The following ERG variants were observed in gnomAD, a reference collection of about 807,000 sequenced individuals.
The protein encoded by ERG is transcriptional regulator ERG.
Under a neutral mutation model 55.3 loss-of-function variants are expected in ERG, and 9 were observed. The ratio of observed to expected loss-of-function variants is 0.16; its 90% confidence interval spans 0.10 to 0.28. The LOEUF (loss-of-function observed/expected upper bound fraction) is 0.28, where lower values mean the gene tolerates loss of function less well. ERG is among the 10% of genes least tolerant of loss of function. The pLI, the probability that ERG is intolerant of heterozygous loss-of-function variation, is 1.00. For missense variants in ERG, 434 were observed against 631.6 expected (o/e 0.69, Z 3.35); for synonymous variants, 223 against 237.3 (o/e 0.94, Z 0.55).
Position 38,653,593 on chromosome 21 carries a change from G to A in ERG, c.-150+8065C>T, listed in dbSNP as rs536521042. Among the ~76,000 whole-genome samples the A allele has an allele frequency of 3.9e-5, 6 of 152,316 alleles. No homozygotes were observed. The East Asian group carries it at 1.2e-3, about 29-fold the overall frequency. On this transcript the variant is annotated intron_variant, in intron 1 of 10. Transcript: ENST00000398910. The stretch of plus-strand genomic sequence containing the variant: ...TTAAAGTAAAAAGGGTGGTAGTTTT[G>A]TTTACCTGTTAACACAACTCATGGA...
chr21:38,586,462 C>T (rs1472809401), upstream of ERG, among the ~76,000 whole-genome samples: 1 of 151,998 alleles, frequency 6.6e-6, no homozygotes, highest in East Asian at 1.9e-4. Flanking sequence ...CCAACATCTC[C>T]CCAGTTCCCC....
In ERG at chr21:38,382,761, C is replaced by G. The variant is rs1987507733; in HGVS notation, c.*642G>C. The G allele has an allele frequency of 1.9e-6, 2 of 1,066,094 alleles. No individual in the cohort carries two copies. Among genetic ancestry groups the G allele is most frequent in the South Asian group, 9.1e-5 (2 of 21,990 alleles). The allele number at this position is 1,066,094 out of a possible 1,614,324, so 66.0% of individuals were successfully genotyped here. Reference sequence around the variant, plus strand: ...ACATCCTCAGTCCCACCTTTTAGTTCATAGTCCCGGTAATACTGTAAAGGA... The same window carrying G: ...ACATCCTCAGTCCCACCTTTTAGTTGATAGTCCCGGTAATACTGTAAAGGA... On this transcript the variant is annotated 3_prime_UTR_variant, in exon 10 of 10. Coordinates refer to ENST00000288319, the MANE Select transcript of ERG (RefSeq NM_182918.4).
chr21:38,529,958 C>T (rs1215704866), intron 2 of ERG, among the ~76,000 whole-genome samples: 2 of 152,094 alleles, frequency 1.3e-5, no homozygotes, highest in Non-Finnish European at 2.9e-5. Context: ...AAGAGCGAAA[C>T]TCCGTCTCAA....
chr21:38,618,495 T>A (rs1485950456), intron 1 of ERG, among the ~76,000 whole-genome samples: 1 of 152,164 alleles, frequency 6.6e-6, no homozygotes, highest in Non-Finnish European at 1.5e-5. Flanking sequence ...TAAGACACCT[T>A]AACTATAAGG....
chr21:38,572,411 C>T (rs945161242), intron 2 of ERG, among the ~76,000 whole-genome samples: 1 of 149,670 alleles, frequency 6.7e-6, no homozygotes, highest in Non-Finnish European at 1.5e-5. Flanking sequence ...GAAATCATAG[C>T]AGCGTTCCTC....
In ERG at chr21:38,637,870, C is replaced by G. The variant is rs371323598; in HGVS notation, c.-150+23788G>C. Among the ~76,000 whole-genome samples, 271 of 152,018 alleles carry G rather than the reference C, an allele frequency of 1.8e-3. 1 individual carries two copies. The highest frequency in any genetic ancestry group is 5.9e-3 in the African/African-American group (246 of 41,460). ...GTATGTATGCAAGTGTGTGTTCCAA[C>G]AGGGGTTCCCACTTGCCCATTAGAA... On this transcript the variant is annotated intron_variant, in intron 1 of 10. Coordinates refer to the ERG transcript ENST00000398910.
intron 1 of ERG, among the ~76,000 whole-genome samples, chr21:38,591,874 A>C (rs1185781860): frequency 2.0e-5 from 3 of 152,244 alleles, no homozygotes; most frequent in Non-Finnish European, 4.4e-5. Context: ...AAACCAATGA[A>C]AAGAAGGTTT....
At chr21:38,493,266 A>G (rs2059351750) in intron 1 of ERG, among the ~76,000 whole-genome samples, 1 of 152,238 alleles carries the variant, frequency 6.6e-6, no homozygotes, top group Non-Finnish European at 1.5e-5. Context: ...ATTGGTTATA[A>G]AATGGTAATA....
intron 1 of ERG, among the ~76,000 whole-genome samples, chr21:38,446,139 T>C (rs994780368): frequency 5.8e-5 from 8 of 138,264 alleles, no homozygotes; most frequent in African/African-American, 2.2e-4. Flanking sequence ...CAACCAAAGA[T>C]ACAAACGTTT....
intron 2 of ERG, among the ~76,000 whole-genome samples, chr21:38,547,729 A>C (rs555679272): frequency 6.6e-6 from 1 of 152,366 alleles, no homozygotes; most frequent in South Asian, 2.1e-4. Flanking sequence ...AAAGAAAGAT[A>C]AAATGATGCC....
intron 1 of ERG, among the ~76,000 whole-genome samples, chr21:38,481,338 T>C (rs565025469): frequency 6.6e-6 from 1 of 152,346 alleles, no homozygotes; most frequent in South Asian, 2.1e-4. Flanking sequence ...AGTAGCACTT[T>C]ACATGCGGAC....
intron 1 of ERG, among the ~76,000 whole-genome samples, chr21:38,632,410 T>C (rs1012988844): frequency 1.3e-5 from 2 of 152,206 alleles, no homozygotes; most frequent in Non-Finnish European, 2.9e-5. Context: ...AGAACCCTTA[T>C]GCACTGTTGA....
chr21:38,424,018 C>T (rs888380596), intron 2 of ERG, among the ~76,000 whole-genome samples: 1 of 151,854 alleles, frequency 6.6e-6, no homozygotes, highest in Non-Finnish European at 1.5e-5. Flanking sequence ...CGAAAACAGG[C>T]CTTGCCTTCT....
intron 1 of ERG, among the ~76,000 whole-genome samples, chr21:38,488,626 G>C (rs2059308653): frequency 6.6e-6 from 1 of 152,142 alleles, no homozygotes; most frequent in African/African-American, 2.4e-5. Context: ...TCTGTGAGCT[G>C]ATATTTTTTG....
At chr21:38,553,536 T>C (rs972535974) in intron 2 of ERG, among the ~76,000 whole-genome samples, 34 of 152,292 alleles carry the variant, frequency 2.2e-4, no homozygotes, top group African/African-American at 8.2e-4. Flanking sequence ...GTCACACATC[T>C]ATAGTCATCT....
At chr21:38,533,421 GC>G (rs1240552824) in intron 2 of ERG, among the ~76,000 whole-genome samples, 1 of 152,144 alleles carries the variant, frequency 6.6e-6, no homozygotes, top group Non-Finnish European at 1.5e-5. Flanking sequence ...TGCCGGGAAG[GC>G]CTGCTTGCAC....
At chr21:38,524,894 G>A (rs1476276421) in intron 2 of ERG, among the ~76,000 whole-genome samples, 1 of 152,208 alleles carries the variant, frequency 6.6e-6, no homozygotes, top group Non-Finnish European at 1.5e-5. Flanking sequence ...GCTCTTGAAA[G>A]AGAATTCTCC....
At chr21:38,570,922 A>T (rs1185028071) in intron 2 of ERG, among the ~76,000 whole-genome samples, 1 of 152,228 alleles carries the variant, frequency 6.6e-6, no homozygotes, top group Non-Finnish European at 1.5e-5. Flanking sequence ...GCTGGTGAAC[A>T]ACAAAGGCAA....
At chr21:38,522,580 T>TA (rs2059602836) in intron 2 of ERG, among the ~76,000 whole-genome samples, 1 of 152,192 alleles carries the variant, frequency 6.6e-6, no homozygotes, top group Non-Finnish European at 1.5e-5. Flanking sequence ...TAAAACACTT[T>TA]AACTATTTTT....
Sources: allele counts gnomAD v4.1 joint callset (sites outside exome capture counted in the v4.1 genomes callset), GRCh38; gene constraint gnomAD v4.1.1; transcripts MANE v1.5; gene names NCBI Gene and HGNC (gene_info 2026-07-23, HGNC 2026-07-21).